The following TIGAR variants were observed in gnomAD, a reference collection of about 807,000 sequenced individuals.
The protein encoded by TIGAR is fructose-2,6-bisphosphatase TIGAR.
In TIGAR, 7 loss-of-function variants were observed where a neutral mutation model predicts 17.9. That is an observed-to-expected ratio of 0.39 (90% CI 0.22 to 0.73). The LOEUF (loss-of-function observed/expected upper bound fraction) is 0.73. Ranked by LOEUF, TIGAR falls within the 30% of genes least tolerant of loss-of-function variation. The pLI, the probability that TIGAR is intolerant of heterozygous loss-of-function variation, is 0.42. For missense variants in TIGAR, 258 were observed against 327.4 expected, an observed-to-expected ratio of 0.79 and a Z score of 1.64; for synonymous variants, 94 against 108.6, an observed-to-expected ratio of 0.87 and a Z score of 0.84.
rs1224767429 is a variant in TIGAR at position 4,355,645 on chromosome 12, A to G, written c.*2954A>G. Among the ~76,000 whole-genome samples the G allele has an allele frequency of 1.3e-5, 2 of 152,258 alleles. No individual in the cohort carries two copies. Among genetic ancestry groups the G allele is most frequent in the Non-Finnish European group, 1.5e-5 (1 of 68,042 alleles). The stretch of plus-strand genomic sequence containing the variant: ...GGCTATTTTAAGAACTACTACAACT[A>G]TGATAAAGCTGTGAATATGTAGCCA... On this transcript the variant is annotated 3_prime_UTR_variant, in exon 6 of 6. Transcript: ENST00000179259.
rs10849046 is a variant in TIGAR at position 4,358,613 on chromosome 12, A to T, written c.*5922A>T. On this transcript the variant is annotated 3_prime_UTR_variant, in exon 6 of 6. Transcript: ENST00000179259. ...TTCCTGAGATCAACAATGTTCTTAT[A>T]TATAACCCAGAATAAATATCTGAGT... 6.6e-6 allele frequency among the ~76,000 whole-genome samples: 1 copy of T among 151,968 alleles called. No homozygotes were observed. Among genetic ancestry groups the T allele is most frequent in the African/African-American group, 2.4e-5 (1 of 41,318 alleles).
At chr12:4,351,754 C>T (rs1864840205) in intron 5 of TIGAR, among the ~76,000 whole-genome samples, 1 of 152,168 alleles carries the variant, frequency 6.6e-6, no homozygotes, top group South Asian at 2.1e-4. Flanking sequence ...TGGTGGCATC[C>T]CTGTGCTTGC....
chr12:4,338,831 C>T (rs1184547741), intron 3 of TIGAR, among the ~76,000 whole-genome samples: 2 of 151,792 alleles, frequency 1.3e-5, no homozygotes, highest in African/African-American at 4.8e-5. Flanking sequence ...AACAAATCTG[C>T]CTGGCGTGGT....
intron 1 of TIGAR, among the ~76,000 whole-genome samples, chr12:4,325,964 C>T (rs1002342377): frequency 2.6e-5 from 4 of 152,056 alleles, no homozygotes; most frequent in African/African-American, 7.3e-5. Flanking sequence ...ATTTGAATTC[C>T]TTAAATGGAA....
In TIGAR at chr12:4,321,802, C is replaced by T. The variant is rs895090689; in HGVS notation, c.32+499C>T. Among the ~76,000 whole-genome samples the T allele has an allele frequency of 6.6e-6, 1 of 152,164 alleles. No individual in the cohort carries two copies. On this transcript the variant is annotated intron_variant, in intron 1 of 5. Transcript: ENST00000179259. This position sits in a 1 kb window ranked among gnomAD's most constrained non-coding sequence, Gnocchi z 5.2. ...CCAGGCACATATATGAGACTTCTTT[C>T]TTTTCCCCAGAGGTTACAGTTCTGG...
chr12:4,340,206 G>T (rs1315880727), intron 3 of TIGAR, among the ~76,000 whole-genome samples: 1 of 152,220 alleles, frequency 6.6e-6, no homozygotes, highest in African/African-American at 2.4e-5. Flanking sequence ...GATACATTTG[G>T]TAAAGTTGCA....
At chr12:4,350,484 T>C (rs1383648244) in intron 4 of TIGAR, among the ~76,000 whole-genome samples, 2 of 152,048 alleles carry the variant, frequency 1.3e-5, no homozygotes, top group Non-Finnish European at 2.9e-5. Context: ...AGCTTAACAA[T>C]GTTGCCATGT....
rs778858748 is a variant in TIGAR, at chr12:4,352,256, G to T, written c.382-4G>T. 18 of 1,598,530 alleles carry T rather than the reference G, an allele frequency of 1.1e-5. No individual in the cohort carries two copies. Among genetic ancestry groups the T allele is most frequent in the Non-Finnish European group, 1.4e-5 (16 of 1,172,704 alleles). Reference sequence around the variant, plus strand: ...TATTTTGACTTTTATTTCTTTTCTTGTAGGTGAAAATGCGTGGAATAGACT... The same window carrying T: ...TATTTTGACTTTTATTTCTTTTCTTTTAGGTGAAAATGCGTGGAATAGACT... On this transcript the variant is annotated splice_region_variant and splice_polypyrimidine_tract_variant and intron_variant, in intron 5 of 5. Coordinates refer to ENST00000179259, the MANE Select transcript of TIGAR (RefSeq NM_020375.3).
At chr12:4,332,828 TTG>T (rs1864618563) in intron 2 of TIGAR, among the ~76,000 whole-genome samples, 1 of 152,236 alleles carries the variant, frequency 6.6e-6, no homozygotes, top group African/African-American at 2.4e-5. Flanking sequence ...CTTCTTGATT[TTG>T]TTTTTCAAAT....
intron 3 of TIGAR, among the ~76,000 whole-genome samples, chr12:4,345,474 A>T (rs1233658613): frequency 2.0e-5 from 3 of 152,128 alleles, no homozygotes; most frequent in Non-Finnish European, 1.5e-5. Context: ...AACTATCTGA[A>T]CTTTGACAAA....
chr12:4,358,703 T>C lies in TIGAR; in HGVS notation c.*6012T>C, dbSNP rs905061537. On this transcript the variant is annotated 3_prime_UTR_variant, in exon 6 of 6. Transcript: ENST00000179259. ...TAGACCAAATTTAAATTCTGTCAAT[T>C]ATTTTGTTGATGTACCTGTGGCTTT... Among the ~76,000 whole-genome samples the C allele has an allele frequency of 4.0e-5, 6 of 151,770 alleles. No individual in the cohort carries two copies. The highest frequency in any genetic ancestry group is 1.4e-4 in the African/African-American group (6 of 41,382).
intron 1 of TIGAR, chr12:4,324,780 A>G (rs1591658305): frequency 6.1e-6 from 4 of 656,792 alleles, no homozygotes; most frequent in East Asian, 5.5e-5. Context: ...GAGTTTGCGG[A>G]AGGTCCGCTT....
At chr12:4,349,023 A>C (rs1388917690) in intron 3 of TIGAR, among the ~76,000 whole-genome samples, 1 of 152,258 alleles carries the variant, frequency 6.6e-6, no homozygotes, top group Non-Finnish European at 1.5e-5. Flanking sequence ...AACTAAAAAT[A>C]CAATTGGAAT....
At chr12:4,329,328 C>CTTTT (rs34584528) in intron 1 of TIGAR, among the ~76,000 whole-genome samples, 21 of 73,264 alleles carry the variant, frequency 2.9e-4, no homozygotes, top group Admixed American at 6.4e-4. Flanking sequence ...AGCTAATGAT[C>CTTTT]TTTTTTTTTT....
chr12:4,325,504 G>A (rs1864535641), intron 1 of TIGAR, among the ~76,000 whole-genome samples: 1 of 151,922 alleles, frequency 6.6e-6, no homozygotes, highest in South Asian at 2.1e-4. Flanking sequence ...ACTTTGGGAG[G>A]CCGAGGCGGG....
chr12:4,340,024 T>C (rs1181873474), intron 3 of TIGAR, among the ~76,000 whole-genome samples: 1 of 152,186 alleles, frequency 6.6e-6, no homozygotes, highest in African/African-American at 2.4e-5. Context: ...AGGATGCCCA[T>C]TTTCACCACT....
chr12:4,351,407 T>C lies in TIGAR; in HGVS notation c.381+30T>C, dbSNP rs760327388. 5.1e-6 allele frequency: 8 copies of C among 1,575,634 alleles called. No individual in the cohort carries two copies. The South Asian group carries it at 8.9e-5, about 18-fold the overall frequency. On this transcript the variant is annotated intron_variant, in intron 5 of 5. Coordinates refer to ENST00000179259, the MANE Select transcript of TIGAR (RefSeq NM_020375.3). ...GTGGCGCTGCCGATGTCAGAATGGTTGAATTAAGACTCAAAATTAGATGTT... is the reference window on the plus strand; with the variant it reads ...GTGGCGCTGCCGATGTCAGAATGGTCGAATTAAGACTCAAAATTAGATGTT...
At position 4,357,257 on chromosome 12, in the gene TIGAR, T is replaced by C. The variant is rs2120707581; in HGVS notation, c.*4566T>C. Among the ~76,000 whole-genome samples, 1 of 152,360 alleles carries C rather than the reference T, an allele frequency of 6.6e-6. No individual in the cohort carries two copies. Among genetic ancestry groups the C allele is most frequent in the South Asian group, 2.1e-4 (1 of 4,830 alleles). ...AGTAGATGAATTCGTGTAAGTTAAATGGTTCTATTATATGTCTTCACTATA... is the reference window on the plus strand; with the variant it reads ...AGTAGATGAATTCGTGTAAGTTAAACGGTTCTATTATATGTCTTCACTATA... On this transcript the variant is annotated 3_prime_UTR_variant, in exon 6 of 6. Coordinates refer to ENST00000179259, the MANE Select transcript of TIGAR (RefSeq NM_020375.3).
chr12:4,352,427 C>G lies in TIGAR; in HGVS notation c.549C>G (p.Asp183Glu). 1 of 1,614,140 alleles carries G rather than the reference C, an allele frequency of 6.2e-7. No homozygotes were observed. The highest frequency in any genetic ancestry group is 8.5e-7 in the Non-Finnish European group (1 of 1,180,034). ...ATCACAGCTCTAAAGTTAATTCAGACAGCGGTATTCCAGGATTAGCAGCCA... is the reference window on the plus strand; with the variant it reads ...ATCACAGCTCTAAAGTTAATTCAGAGAGCGGTATTCCAGGATTAGCAGCCA... ...GKNHSSKVNS[D>E]SGIPGLAASV... Residue 183 changes from aspartate (D) to glutamate (E), a missense_variant, in exon 6 of 6, where the codon GAC (aspartate) becomes GAG (glutamate). Physicochemically the swap from Asp to Glu is conservative, Grantham distance 45. Coordinates refer to ENST00000179259, the MANE Select transcript of TIGAR (RefSeq NM_020375.3).
Sources: allele counts gnomAD v4.1 joint callset (sites outside exome capture counted in the v4.1 genomes callset), GRCh38; gene constraint gnomAD v4.1.1; non-coding constraint Gnocchi (gnomAD v3.1); transcripts MANE v1.5; gene names NCBI Gene and HGNC (gene_info 2026-07-23, HGNC 2026-07-21).